SVEP1: variants seen among roughly 807,000 people sequenced by gnomAD.
SVEP1 encodes sushi, von Willebrand factor type A, EGF and pentraxin domain containing 1.
In SVEP1, 164 loss-of-function variants were observed where a neutral mutation model predicts 367.3. That is an observed-to-expected ratio of 0.45 (90% CI 0.39 to 0.51). The LOEUF (loss-of-function observed/expected upper bound fraction) is 0.51, where lower values mean the gene tolerates loss of function less well. Ranked by LOEUF, SVEP1 falls within the 20% of genes least tolerant of loss-of-function variation. The pLI is 0.00. For synonymous variants in SVEP1, 1,666 were observed against 1,611.6 expected (o/e 1.03, Z -0.81); for missense variants, 4,117 against 4,425.3 (o/e 0.93, Z 1.98).
chr9:110,366,409 C>A lies in SVEP1; in HGVS notation c.*130G>T. The A allele has an allele frequency of 1.2e-5, 10 of 852,600 alleles. No individual in the cohort carries two copies. Among genetic ancestry groups the A allele is most frequent in the South Asian group, 8.2e-5 (2 of 24,266 alleles). 52.8% of individuals were successfully genotyped at this position (852,600 alleles called of 1,614,324 possible). ...TATATCACAAAATAAAAAAAGTAAC[C>A]CCAAGTAACAAGTTTACTAAACAAG... On this transcript the variant is annotated 3_prime_UTR_variant, in exon 48 of 48. Coordinates refer to ENST00000374469, the MANE Select transcript of SVEP1 (RefSeq NM_153366.4).
At chr9:110,545,504 C>T (rs1015245449) in intron 3 of SVEP1, among the ~76,000 whole-genome samples, 10 of 152,148 alleles carry the variant, frequency 6.6e-5, no homozygotes, top group African/African-American at 2.4e-4. Flanking sequence ...CTTTTCAATG[C>T]ACTTTTGTGG....
chr9:110,458,063 C>A, intron 20 of SVEP1: 1 of 454,306 alleles, frequency 2.2e-6, no homozygotes, highest in Admixed American at 2.5e-5. Context: ...CCCAAGAAAT[C>A]TTTTCTTTTC....
rs1446561087 is a variant in SVEP1 at position 110,387,390 on chromosome 9, G to A, written c.9955C>T (p.Pro3319Ser). ...CTGTTGCAGGAATATACCACGTTGG[G>A]TCCAGTCGTCCTGTTTTCAATGTCA... Reference protein sequence around the residue: ...KADIENRTTGPNVVYSCNRGY... With the variant: ...KADIENRTTGSNVVYSCNRGY... Residue 3319 changes from proline (P) to serine (S), a missense_variant, in exon 42 of 48, where the codon CCC becomes TCC. Pro to Ser is a moderately conservative substitution (Grantham distance 74). Coordinates refer to ENST00000374469, the MANE Select transcript of SVEP1 (RefSeq NM_153366.4). 3.1e-6 allele frequency: 5 copies of A among 1,613,374 alleles called. No homozygotes were observed. The highest frequency in any genetic ancestry group is 1.6e-4 in the Middle Eastern group (1 of 6,082).
At position 110,451,310 on chromosome 9, in the gene SVEP1, T is replaced by A. The variant is rs970496475; in HGVS notation, c.3880A>T (p.Thr1294Ser). 11 of 1,613,660 alleles carry A rather than the reference T, an allele frequency of 6.8e-6. No homozygotes were observed. Among genetic ancestry groups the A allele is most frequent in the Non-Finnish European group, 7.6e-6 (9 of 1,179,754 alleles). ...TTACCTACAAATCCTTTCACACATG[T>A]GCAACGATAGCCAGCCACACCATCA... ...CVDGVAGYRC[T>S]CVKGFVGLHC... The change falls in exon 23 of 48, where the codon ACA (threonine) becomes TCA (serine). Residue 1294 changes from threonine to serine, a missense_variant. Physicochemically the swap from Thr to Ser is moderately conservative, Grantham distance 58. This residue lies in a region of SVEP1 where 2,174 missense variants were observed against 2,494.3 expected (regional missense o/e 0.87). Coordinates refer to ENST00000374469, the MANE Select transcript of SVEP1 (RefSeq NM_153366.4).
At chr9:110,372,942 C>T (rs530819075) in intron 46 of SVEP1, among the ~76,000 whole-genome samples, 61 of 152,206 alleles carry the variant, frequency 4.0e-4, no homozygotes, top group African/African-American at 1.4e-3. Context: ...CAAAGTAGTA[C>T]ATTGATGATG....
At chr9:110,493,866 T>C (rs894745332) in intron 8 of SVEP1, among the ~76,000 whole-genome samples, 2 of 152,220 alleles carry the variant, frequency 1.3e-5, no homozygotes, top group African/African-American at 2.4e-5. Context: ...AGTTCCTTTC[T>C]GGAGGCTCTG....
At position 110,522,217 on chromosome 9, in the gene SVEP1, C is replaced by G. The variant is rs148061570; in HGVS notation, c.965-8111G>C. Among the ~76,000 whole-genome samples, 369 of 152,132 alleles carry G rather than the reference C, an allele frequency of 2.4e-3. 3 individuals carry two copies. The highest frequency in any genetic ancestry group is 8.4e-3 in the African/African-American group (349 of 41,484). ...AACTTGAACCTAGATTAGATCCATC[C>G]CTGGGATTCAGACTTGTGTAGGCCC... On this transcript the variant is annotated intron_variant, in intron 3 of 47. Coordinates refer to ENST00000374469, the MANE Select transcript of SVEP1 (RefSeq NM_153366.4).
At chr9:110,458,355 T>C (rs1361811536) in intron 20 of SVEP1, 116 bp downstream of exon 20, 16 of 807,880 alleles carry the variant, frequency 2.0e-5, no homozygotes, top group Non-Finnish European at 2.7e-5. Flanking sequence ...ATAAAATTCA[T>C]ACATCTTGAT....
At chr9:110,449,234 G>A (rs1222838312) in intron 24 of SVEP1, among the ~76,000 whole-genome samples, 1 of 152,054 alleles carries the variant, frequency 6.6e-6, no homozygotes, top group Non-Finnish European at 1.5e-5. Flanking sequence ...GGGAGACATA[G>A]TCTTTCTGCC....
intron 27 of SVEP1, among the ~76,000 whole-genome samples, chr9:110,440,190 T>C (rs1479953872): frequency 6.6e-6 from 1 of 152,230 alleles, no homozygotes; most frequent in Non-Finnish European, 1.5e-5. Context: ...TTGGGGAACA[T>C]AAACAGGCTC....
In SVEP1 at chr9:110,536,804, G is replaced by A. The variant is rs1000189019; in HGVS notation, c.964+9311C>T. On this transcript the variant is annotated intron_variant, in intron 3 of 47. Coordinates refer to ENST00000374469, the MANE Select transcript of SVEP1 (RefSeq NM_153366.4). ...GTTGGTGTGCTGCACCCATTAACTCGTCATTTACATTAGGTATCCTCCTTA... is the reference window on the plus strand; with the variant it reads ...GTTGGTGTGCTGCACCCATTAACTCATCATTTACATTAGGTATCCTCCTTA... 7.2e-4 allele frequency among the ~76,000 whole-genome samples: 110 copies of A among 151,918 alleles called. 1 individual carries two copies. The highest frequency in any genetic ancestry group is 2.1e-3 in the African/African-American group (86 of 41,494).
Position 110,476,208 on chromosome 9 carries a change from T to A in SVEP1, c.2595A>T (p.Ala865=). Residue 865 remains alanine (A), a synonymous_variant, in exon 14 of 48, where the codon GCA becomes GCT. Coordinates refer to ENST00000374469, the MANE Select transcript of SVEP1 (RefSeq NM_153366.4). Reference sequence around the variant, plus strand: ...GATGCCACAGAATTTAATTACCAATTGCAAAGCCATTTTCATAGTCATAAT... The same window carrying A: ...GATGCCACAGAATTTAATTACCAATAGCAAAGCCATTTTCATAGTCATAAT... ...EYNYDYENGF[A]IGPGGWGAAN... is the part of the protein sequence containing the mutation. 6.2e-7 allele frequency: 1 copy of A among 1,605,282 alleles called. No individual in the cohort carries two copies. Among genetic ancestry groups the A allele is most frequent in the Non-Finnish European group, 8.5e-7 (1 of 1,172,806 alleles).
chr9:110,579,589 G>GGGC lies in SVEP1; in HGVS notation c.-49_-47dup. 4.6e-6 allele frequency: 7 copies of GGGC among 1,514,072 alleles called. No individual in the cohort carries two copies. Among genetic ancestry groups the GGGC allele is most frequent in the Non-Finnish European group, 6.2e-6 (7 of 1,137,314 alleles). 93.8% of individuals were successfully genotyped at this position (1,514,072 alleles called of 1,614,324 possible). On this transcript the variant is annotated 5_prime_UTR_variant, in exon 1 of 48. Coordinates refer to ENST00000374469, the MANE Select transcript of SVEP1 (RefSeq NM_153366.4). This position sits in a 1 kb window ranked among gnomAD's most constrained non-coding sequence, Gnocchi z 5.3. ...TGCCCCGGAGCGCAGGCGGCGGCTC[G>GGGC]GGCGGGAAGAGGCGCTGGGCGGCCG...
Position 110,410,638 on chromosome 9 carries a change from A to G in SVEP1, c.6648+425T>C, listed in dbSNP as rs143595166. ...TGCCTATACACTAGTAAAATGCAGA[A>G]AGTTATATACTAAAGATTCATAATC... is the stretch of plus-strand genomic sequence containing the variant. On this transcript the variant is annotated intron_variant, in intron 37 of 47. Transcript: ENST00000374469. Among the ~76,000 whole-genome samples, 7 of 152,360 alleles carry G rather than the reference A, an allele frequency of 4.6e-5. No individual in the cohort carries two copies. In the East Asian group the frequency reaches 1.3e-3, roughly 29 times the overall value.
At chr9:110,501,508 G>GC (rs1554719692) in intron 6 of SVEP1, among the ~76,000 whole-genome samples, 1 of 105,054 alleles carries the variant, frequency 9.5e-6, no homozygotes, top group Non-Finnish European at 2.3e-5. Flanking sequence ...ATTTTGTTGT[G>GC]GGGGGGGCAG....
intron 1 of SVEP1, among the ~76,000 whole-genome samples, chr9:110,571,016 G>C (rs1190813862): frequency 7.4e-6 from 1 of 135,688 alleles, no homozygotes; most frequent in Non-Finnish European, 1.5e-5. Flanking sequence ...TTGCACTGTC[G>C]CCTGGGCTGG....
chr9:110,483,502 T>C, intron 10 of SVEP1, 84 bp downstream of exon 10: 1 of 832,002 alleles, frequency 1.2e-6, no homozygotes, highest in East Asian at 3.0e-5. Flanking sequence ...ATTTGCTTTT[T>C]CTCTTTTATC....
chr9:110,506,463 A>C (rs1368448275), intron 5 of SVEP1, among the ~76,000 whole-genome samples: 1 of 152,206 alleles, frequency 6.6e-6, no homozygotes, highest in Non-Finnish European at 1.5e-5. Context: ...TCTAATGATC[A>C]TATCCTTCAC....
In SVEP1 at chr9:110,401,032, T is replaced by A. The variant is rs576797793; in HGVS notation, c.9667-23A>T. The A allele has an allele frequency of 5.0e-6, 8 of 1,612,056 alleles. No homozygotes were observed. The East Asian group carries it at 1.6e-4, about 31-fold the overall frequency. ...AAGCTAAGTGACAAATAACAAAATG[T>A]AAGTTATGTTTAGAAGTTAATACAT... On this transcript the variant is annotated intron_variant, in intron 39 of 47. Transcript: ENST00000374469.
Sources: gnomAD v4.1 joint callset for allele counts (sites outside exome capture counted in the v4.1 genomes callset) on GRCh38, gnomAD v4.1.1 for gene constraint, gnomAD v4.1.1 regional missense constraint, Gnocchi (gnomAD v3.1) non-coding constraint, MANE v1.5 for transcripts, NCBI Gene and HGNC (gene_info 2026-07-23, HGNC 2026-07-21) for gene names.